TBP: variants seen among roughly 807,000 people sequenced by gnomAD.
TBP encodes TATA-box binding protein, also known as TATA-box-binding protein.
A neutral mutation model predicts 46.2 loss-of-function variants in TBP; 12 were observed. That is an observed-to-expected ratio of 0.26 (90% CI 0.17 to 0.42). TBP has a LOEUF of 0.42. Ranked by LOEUF, TBP falls within the 10% of genes least tolerant of loss-of-function variation. The pLI is 1.00. For missense variants in TBP, 229 were observed against 403.1 expected (o/e 0.57, Z 3.70); for synonymous variants, 157 against 148.3 (o/e 1.06, Z -0.42).
At position 170,572,503 on chromosome 6, in the gene TBP, C is replaced by A. The variant is rs1341184003; in HGVS notation, c.*238C>A. 5.8e-6 allele frequency: 3 copies of A among 519,834 alleles called. No individual in the cohort carries two copies. The highest frequency in any genetic ancestry group is 1.0e-5 in the Non-Finnish European group (3 of 294,912). 32.2% of individuals were successfully genotyped at this position (519,834 alleles called of 1,614,324 possible). A position where few individuals can be genotyped will look rare whatever the true frequency, so the allele number is the denominator to read the frequency against. ...TGAGTTGCTCATACCGTGCTGCTAT[C>A]TGGGCAGCGCTGCCCATTTATTTAT... On this transcript the variant is annotated 3_prime_UTR_variant, in exon 8 of 8. Coordinates refer to ENST00000392092, the MANE Select transcript of TBP (RefSeq NM_003194.5).
rs536248624 is a variant in TBP at position 170,567,573 on chromosome 6, A to G, written c.677+564A>G. 2.6e-5 allele frequency: 4 copies of G among 152,392 alleles called. No homozygotes were observed. In the South Asian group the frequency reaches 8.3e-4, roughly 32 times the overall value. 9.4% of individuals were successfully genotyped at this position (152,392 alleles called of 1,614,324 possible). ...TTATGTGAAAAATGTTGTAAATAACACAAATACATCTTGAAATGGAAGAAA... is the reference window on the plus strand; with the variant it reads ...TTATGTGAAAAATGTTGTAAATAACGCAAATACATCTTGAAATGGAAGAAA... On this transcript the variant is annotated intron_variant, in intron 5 of 7. Transcript: ENST00000392092.
At chr6:170,571,592 C>A in intron 7 of TBP, 88 bp downstream of exon 7, 1 of 1,020,310 alleles carries the variant, frequency 9.8e-7, no homozygotes, top group Non-Finnish European at 1.5e-6. Flanking sequence ...TTTCAGTGTT[C>A]GGACAGTGGG....
intron 3 of TBP, among the ~76,000 whole-genome samples, chr6:170,562,628 G>GT (rs1420497802): frequency 6.6e-6 from 1 of 152,102 alleles, no homozygotes; most frequent in Non-Finnish European, 1.5e-5. Flanking sequence ...GGTAGTTCTT[G>GT]TTTTTTGTTT....
chr6:170,554,735 G>T (rs1489549811), intron 1 of TBP: 1 of 152,596 alleles, frequency 6.6e-6, no homozygotes, highest in African/African-American at 2.4e-5. Context: ...GGCGGCAGGC[G>T]GGACAGGACA....
chr6:170,571,593 G>A (rs766190205), intron 7 of TBP, 89 bp downstream of exon 7: 15 of 1,011,834 alleles, frequency 1.5e-5, no homozygotes, highest in South Asian at 1.3e-4. Flanking sequence ...TTCAGTGTTC[G>A]GACAGTGGGC....
intron 5 of TBP, among the ~76,000 whole-genome samples, chr6:170,567,863 TTA>T (rs1779293939): frequency 6.6e-6 from 1 of 152,248 alleles, no homozygotes. Context: ...TAAACAGAGC[TTA>T]TATACTTGGT....
intron 2 of TBP, among the ~76,000 whole-genome samples, chr6:170,557,982 G>GT (rs1562357998): frequency 6.6e-6 from 1 of 152,118 alleles, no homozygotes. Context: ...TGGAATCAGA[G>GT]TGTATGCTTT....
At chr6:170,562,975 C>A (rs1779176898) in intron 3 of TBP, among the ~76,000 whole-genome samples, 1 of 152,072 alleles carries the variant, frequency 6.6e-6, no homozygotes, top group Admixed American at 6.6e-5. Context: ...TGCATTTATT[C>A]ACCTTGTTAC....
At chr6:170,569,475 C>A in intron 5 of TBP, 137 bp from the exon 6 acceptor site, 1 of 639,192 alleles carries the variant, frequency 1.6e-6, no homozygotes, top group Non-Finnish European at 2.5e-6. Context: ...GCCTGTCAGT[C>A]TTTTCTCCTA....
At chr6:170,567,360 C>T (rs1411874415) in intron 5 of TBP, 1 of 153,686 alleles carries the variant, frequency 6.5e-6, no homozygotes, top group African/African-American at 2.4e-5. Flanking sequence ...TAGTGGATGT[C>T]TGTAGTCCCA....
chr6:170,559,124 C>G (rs1358930947), intron 2 of TBP, among the ~76,000 whole-genome samples: 1 of 152,148 alleles, frequency 6.6e-6, no homozygotes, highest in Non-Finnish European at 1.5e-5. Context: ...AACCATTCCC[C>G]CATCTCTCTC....
chr6:170,563,598 G>T (rs1013663314), intron 3 of TBP, among the ~76,000 whole-genome samples: 2 of 152,228 alleles, frequency 1.3e-5, no homozygotes, highest in African/African-American at 4.8e-5. Context: ...AACATTCATT[G>T]TGTGGATCAA....
Position 170,565,114 on chromosome 6 carries a change from G to A in TBP, c.585+482G>A, listed in dbSNP as rs545354870. ...AGAGGTTGCAGTGAGCGGAGATTGC[G>A]CCATTGCATTCCAGCCTGGCAACAG... On this transcript the variant is annotated intron_variant, in intron 4 of 7. Transcript: ENST00000392092. Among the ~76,000 whole-genome samples the A allele has an allele frequency of 1.2e-4, 18 of 152,206 alleles. No homozygotes were observed. In the East Asian group the frequency reaches 1.4e-3, roughly 11 times the overall value.
At chr6:170,563,137 T>C (rs535847069) in intron 3 of TBP, among the ~76,000 whole-genome samples, 2 of 152,314 alleles carry the variant, frequency 1.3e-5, no homozygotes, top group South Asian at 4.1e-4. Context: ...GTAATTTTAG[T>C]GATTTTAGAG....
intron 3 of TBP, among the ~76,000 whole-genome samples, chr6:170,564,020 A>T (rs959307339): frequency 1.3e-5 from 2 of 151,980 alleles, no homozygotes; most frequent in Non-Finnish European, 2.9e-5. Context: ...TAGAAGAGAA[A>T]GCAGGGTTTT....
chr6:170,571,088 A>G (rs1023017999), intron 6 of TBP, among the ~76,000 whole-genome samples: 24 of 152,204 alleles, frequency 1.6e-4, no homozygotes, highest in African/African-American at 4.3e-4. Context: ...TCTGCATTAG[A>G]TATCATTATA....
intron 2 of TBP, among the ~76,000 whole-genome samples, chr6:170,560,661 G>A (rs1219942936): frequency 2.0e-5 from 3 of 152,192 alleles, no homozygotes; most frequent in African/African-American, 7.2e-5. Context: ...TCCAACCCTC[G>A]TGGATGACTT....
intron 1 of TBP, among the ~76,000 whole-genome samples, chr6:170,556,061 C>A (rs12194821): frequency 0.4 from 61,564 of 152,086 alleles, 13,468 homozygotes; most frequent in East Asian, 0.77. Context: ...CTTTGGGGGC[C>A]TTTGCCCTTT....
intron 2 of TBP, among the ~76,000 whole-genome samples, chr6:170,561,207 A>G (rs1779132728): frequency 6.6e-6 from 1 of 152,240 alleles, no homozygotes; most frequent in Non-Finnish European, 1.5e-5. Context: ...AGTTATATAC[A>G]TATTATTAGA....
Sources: gnomAD v4.1 joint callset for allele counts (sites outside exome capture counted in the v4.1 genomes callset) on GRCh38, gnomAD v4.1.1 for gene constraint, MANE v1.5 for transcripts, NCBI Gene and HGNC (gene_info 2026-07-23, HGNC 2026-07-21) for gene names.